TIAL1: variants seen among roughly 807,000 people sequenced by gnomAD.
The protein encoded by TIAL1 is TIA1 cytotoxic granule associated RNA binding protein like 1.
In TIAL1, 7 loss-of-function variants were observed where a neutral mutation model predicts 59.7. The ratio of observed to expected loss-of-function variants is 0.12; its 90% CI spans 0.07 to 0.22. The LOEUF (loss-of-function observed/expected upper bound fraction) is 0.22. TIAL1 is among the 10% of genes least tolerant of loss of function. The pLI, the probability that TIAL1 is intolerant of heterozygous loss-of-function variation, is 1.00. For missense variants in TIAL1, 225 were observed against 462.5 expected (o/e 0.49, Z 4.71); for synonymous variants, 149 against 146.3 (o/e 1.02, Z -0.13).
intron 1 of TIAL1, 43 bp downstream of exon 1, chr10:119,596,391 C>T (rs1017311213): frequency 9.3e-6 from 15 of 1,609,926 alleles, no homozygotes; most frequent in Admixed American, 3.3e-5. Context: ...CCCGCGGTGC[C>T]CGGGCCTCTT....
At position 119,596,907 on chromosome 10, in the gene TIAL1, T is replaced by G; in HGVS notation, c.-442A>C. 2 of 184,388 alleles carry G rather than the reference T, an allele frequency of 1.1e-5. No individual in the cohort carries two copies. Among genetic ancestry groups the G allele is most frequent in the Non-Finnish European group, 2.3e-5 (2 of 86,042 alleles). 11.4% of individuals were successfully genotyped at this position (184,388 alleles called of 1,614,324 possible). A position where few individuals can be genotyped will look rare whatever the true frequency, so the allele number is the denominator to read the frequency against. On this transcript the variant is annotated 5_prime_UTR_variant, in exon 1 of 12. Transcript: ENST00000436547. ...AGATCGGGCAAAAAGAGAAACGTCG[T>G]GAAGCCGAAGTCTCTGGGAATTGTG...
At chr10:119,594,666 C>T (rs1412480631) in intron 1 of TIAL1, among the ~76,000 whole-genome samples, 2 of 152,110 alleles carry the variant, frequency 1.3e-5, no homozygotes, top group East Asian at 3.9e-4. Flanking sequence ...CGCTCTGTCA[C>T]CAGTCTGGAG....
In TIAL1 at chr10:119,596,605, TC is replaced by T. The variant is rs1196535040; in HGVS notation, c.-141del. 1 of 673,748 alleles carries T rather than the reference TC, an allele frequency of 1.5e-6. No individual in the cohort carries two copies. The highest frequency in any genetic ancestry group is 2.5e-6 in the Non-Finnish European group (1 of 399,664). The allele number at this position is 673,748 out of a possible 1,614,324, so 41.7% of individuals were successfully genotyped here. A position where few individuals can be genotyped will look rare whatever the true frequency, so the allele number is the denominator to read the frequency against. On this transcript the variant is annotated 5_prime_UTR_variant, in exon 1 of 12. Coordinates refer to ENST00000436547, the MANE Select transcript of TIAL1 (RefSeq NM_003252.4). Reference sequence around the variant, plus strand: ...CACCGAACCCTGCTCTCGGGCTCTCTCCCCCCAGCCCGCTCCGGACACTGCG... The same window carrying T: ...CACCGAACCCTGCTCTCGGGCTCTCTCCCCCAGCCCGCTCCGGACACTGCG...
At chr10:119,591,714 A>T (rs374351735) in intron 1 of TIAL1, among the ~76,000 whole-genome samples, 5 of 152,344 alleles carry the variant, frequency 3.3e-5, no homozygotes, top group African/African-American at 1.2e-4. Context: ...CCAGGATTAA[A>T]AGGCCATGAT....
intron 5 of TIAL1, chr10:119,580,357 A>T: frequency 2.9e-6 from 1 of 341,948 alleles, no homozygotes; most frequent in Non-Finnish European, 4.4e-6. Flanking sequence ...AACAATACTA[A>T]CTACTTTACC....
intron 1 of TIAL1, among the ~76,000 whole-genome samples, chr10:119,590,637 G>A (rs1438074631): frequency 6.6e-6 from 1 of 152,032 alleles, no homozygotes; most frequent in African/African-American, 2.4e-5. Flanking sequence ...TTGAACCTGG[G>A]AGGCAGAGGT....
Position 119,574,586 on chromosome 10 carries a change from C to CAAAAAAAAAAACA in TIAL1, c.*1078_*1079insTGTTTTTTTTTTT, listed in dbSNP as rs1844870887. 1.2e-5 allele frequency: 1 copy of CAAAAAAAAAAACA among 86,546 alleles called. No individual in the cohort carries two copies. Among genetic ancestry groups the CAAAAAAAAAAACA allele is most frequent in the African/African-American group, 4.3e-5 (1 of 23,278 alleles). 5.4% of individuals were successfully genotyped at this position (86,546 alleles called of 1,614,324 possible). A position where few individuals can be genotyped will look rare whatever the true frequency, so the allele number is the denominator to read the frequency against. On this transcript the variant is annotated 3_prime_UTR_variant, in exon 12 of 12. Transcript: ENST00000436547. Reference sequence around the variant, plus strand: ...TATTTACATACCAAGTAATGTAAAGCAAAAAAAAAAAAAAAAAAAAACAAA... The same window carrying CAAAAAAAAAAACA: ...TATTTACATACCAAGTAATGTAAAGCAAAAAAAAAAACAAAAAAAAAAAAAAAAAAAAAACAAA...
chr10:119,593,572 A>G (rs1845997021), intron 1 of TIAL1: 6 of 816,758 alleles, frequency 7.3e-6, no homozygotes, highest in Non-Finnish European at 8.9e-6. Context: ...AATTTAAGAT[A>G]AGCTTTGTTA....
chr10:119,593,900 G>A (rs907827942), intron 1 of TIAL1, among the ~76,000 whole-genome samples: 1 of 152,302 alleles, frequency 6.6e-6, no homozygotes, highest in African/African-American at 2.4e-5. Flanking sequence ...ACATGTGACA[G>A]TAATGTCTGC....
At position 119,579,991 on chromosome 10, in the gene TIAL1, C is replaced by A; in HGVS notation, c.391G>T (p.Asp131Tyr). 6.2e-7 allele frequency: 1 copy of A among 1,610,978 alleles called. No homozygotes were observed. Among genetic ancestry groups the A allele is most frequent in the Non-Finnish European group, 8.5e-7 (1 of 1,178,698 alleles). ...CCTTTGGATTTTCCAGTTGCCATGT[C>A]TTTAACTACCCGGGCATCCCTGTGA... ...GKISDARVVK[D>Y]MATGKSKGYG... Residue 131 changes from aspartate (D) to tyrosine (Y), a missense_variant, in exon 6 of 12, where the codon GAC (aspartate) becomes TAC (tyrosine). Transcript: ENST00000436547.
chr10:119,590,742 G>GAGAGAGAC (rs138794298), intron 1 of TIAL1, among the ~76,000 whole-genome samples: 67 of 129,642 alleles, frequency 5.2e-4, no homozygotes, highest in East Asian at 2.6e-3. Flanking sequence ...GAGAGAAAGA[G>GAGAGAGAC]AGAGAGACAG....
chr10:119,589,276 G>C (rs1014647279), intron 1 of TIAL1, among the ~76,000 whole-genome samples: 2 of 152,214 alleles, frequency 1.3e-5, no homozygotes, highest in African/African-American at 2.4e-5. Context: ...CATGATCTCA[G>C]CTCACTGCAA....
intron 1 of TIAL1, chr10:119,593,557 G>T: frequency 2.2e-6 from 2 of 915,462 alleles, no homozygotes; most frequent in Non-Finnish European, 2.6e-6. Flanking sequence ...GCATCTTAAG[G>T]AAACAATTTA....
intron 1 of TIAL1, 21 bp downstream of exon 1, chr10:119,596,413 C>T: frequency 6.2e-7 from 1 of 1,611,432 alleles, no homozygotes; most frequent in Non-Finnish European, 8.5e-7. Flanking sequence ...GCGCCTGGCA[C>T]CCCTCGTCTC....
intron 1 of TIAL1, among the ~76,000 whole-genome samples, chr10:119,590,636 G>T (rs1845801872): frequency 6.6e-6 from 1 of 151,988 alleles, no homozygotes; most frequent in Non-Finnish European, 1.5e-5. Flanking sequence ...CTTGAACCTG[G>T]GAGGCAGAGG....
At chr10:119,588,935 C>T (rs1845712569) in intron 1 of TIAL1, among the ~76,000 whole-genome samples, 1 of 152,156 alleles carries the variant, frequency 6.6e-6, no homozygotes, top group South Asian at 2.1e-4. Context: ...ATAACACACA[C>T]ACACATACAA....
chr10:119,577,324 G>T, intron 9 of TIAL1, 121 bp from the exon 10 acceptor site: 2 of 1,435,668 alleles, frequency 1.4e-6, no homozygotes, highest in Non-Finnish European at 1.9e-6. Flanking sequence ...AGTACATTAG[G>T]TAGGTAGCTT....
At chr10:119,590,762 G>GAGAAAGAGAGAAGGAA (rs1446023630) in intron 1 of TIAL1, among the ~76,000 whole-genome samples, 1 of 125,292 alleles carries the variant, frequency 8.0e-6, no homozygotes, top group Non-Finnish European at 1.7e-5. Flanking sequence ...GAGAGAAAGA[G>GAGAAAGAGAGAAGGAA]AGAAAGAAAG....
Position 119,577,210 on chromosome 10 carries a change from A to C in TIAL1, c.738-7T>G, listed in dbSNP as rs756713216. On this transcript the variant is annotated splice_polypyrimidine_tract_variant and splice_region_variant and intron_variant, in intron 9 of 11. Transcript: ENST00000436547. ...ACTTTCATGGGTTGAAAATCTAAGA[A>C]AGAAAAATGATATGGTTTTGTCTTT... The C allele has an allele frequency of 6.3e-7, 1 of 1,591,916 alleles. No homozygotes were observed. Among genetic ancestry groups the C allele is most frequent in the South Asian group, 1.2e-5 (1 of 86,190 alleles).
Sources: allele counts gnomAD v4.1 joint callset (sites outside exome capture counted in the v4.1 genomes callset), GRCh38; gene constraint gnomAD v4.1.1; transcripts MANE v1.5; gene names NCBI Gene and HGNC (gene_info 2026-07-23, HGNC 2026-07-21).